Variants in NRDE2 observed in about 807,000 individuals in gnomAD.
NRDE2 encodes the protein nuclear exosome regulator NRDE2.
In NRDE2, 76 loss-of-function variants were observed where a neutral mutation model predicts 124.2. The observed-to-expected ratio is 0.61, with a 90% CI of 0.51 to 0.74. The LOEUF (loss-of-function observed/expected upper bound fraction) is 0.74, where lower values mean the gene tolerates loss of function less well. Ranked by LOEUF, NRDE2 falls within the 30% of genes least tolerant of loss-of-function variation. The pLI is 0.00. For synonymous variants in NRDE2, 489 were observed against 528.1 expected (o/e 0.93, Z 1.01); for missense variants, 1,314 against 1,417.3 (o/e 0.93, Z 1.17).
chr14:90,270,579 G>A lies in NRDE2; in HGVS notation c.*7757C>T. On this transcript the variant is annotated 3_prime_UTR_variant, in exon 14 of 14. Coordinates refer to ENST00000354366, the MANE Select transcript of NRDE2 (RefSeq NM_017970.4). ...GACGCTAAATCACCTGGAGCCACAA[G>A]GCTGAGTCGCTGGTACTAAGCCTTA... is the stretch of plus-strand genomic sequence containing the variant. 4.3e-6 allele frequency: 2 copies of A among 465,382 alleles called. No homozygotes were observed. The highest frequency in any genetic ancestry group is 7.3e-6 in the Non-Finnish European group (2 of 274,116). 28.8% of individuals were successfully genotyped at this position (465,382 alleles called of 1,614,324 possible). A position where few individuals can be genotyped will look rare whatever the true frequency, so the allele number is the denominator to read the frequency against.
At chr14:90,320,180 A>G (rs1172336363) in intron 1 of NRDE2, among the ~76,000 whole-genome samples, 1 of 152,224 alleles carries the variant, frequency 6.6e-6, no homozygotes, top group Admixed American at 6.5e-5. Flanking sequence ...CCGTTCTCAC[A>G]CTGCTATAAA....
At chr14:90,301,050 T>G (rs1338264228) in intron 7 of NRDE2, among the ~76,000 whole-genome samples, 189 bp downstream of exon 7, 1 of 151,268 alleles carries the variant, frequency 6.6e-6, no homozygotes, top group African/African-American at 2.4e-5. Context: ...TACAAAACTT[T>G]CCTCAGATCA....
intron 8 of NRDE2, among the ~76,000 whole-genome samples, chr14:90,295,283 A>T (rs1332154555): frequency 3.3e-5 from 5 of 152,206 alleles, no homozygotes; most frequent in African/African-American, 1.2e-4. Flanking sequence ...TAAAAACTTA[A>T]AACACATAAT....
intron 8 of NRDE2, among the ~76,000 whole-genome samples, chr14:90,294,332 T>A (rs1239251722): frequency 2.0e-5 from 3 of 151,670 alleles, no homozygotes; most frequent in African/African-American, 7.3e-5. Flanking sequence ...AGGATTACCA[T>A]ATGAGGCGAT....
chr14:90,283,577 C>G (rs1469029470), intron 12 of NRDE2, among the ~76,000 whole-genome samples: 2 of 152,210 alleles, frequency 1.3e-5, no homozygotes, highest in African/African-American at 4.8e-5. Flanking sequence ...TCTGCTGCCT[C>G]AAACTGTTGT....
chr14:90,309,100 A>C (rs933246978), intron 4 of NRDE2, among the ~76,000 whole-genome samples: 1 of 151,914 alleles, frequency 6.6e-6, no homozygotes, highest in African/African-American at 2.4e-5. Context: ...AATACAAAAA[A>C]ACTAGCCGGG....
In NRDE2 at chr14:90,328,204, G is replaced by A. The variant is rs145218514; in HGVS notation, c.64+3637C>T. 8.0e-3 allele frequency among the ~76,000 whole-genome samples: 1,204 copies of A among 151,184 alleles called. 27 individuals carry two copies. The highest frequency in any genetic ancestry group is 0.043 in the East Asian group (222 of 5,128). ...TGCCTGTAGTCCCAGTTACTAGGGA[G>A]GCTGAGGCAGGAGAATCACTTGAAC... On this transcript the variant is annotated intron_variant, in intron 1 of 13. Coordinates refer to ENST00000354366, the MANE Select transcript of NRDE2 (RefSeq NM_017970.4).
chr14:90,286,403 T>C lies in NRDE2; in HGVS notation c.3248A>G (p.Asp1083Gly), dbSNP rs1238656018. 1 of 1,614,208 alleles carries C rather than the reference T, an allele frequency of 6.2e-7. No individual in the cohort carries two copies. The highest frequency in any genetic ancestry group is 8.5e-7 in the Non-Finnish European group (1 of 1,180,010). The part of the protein sequence containing the change: ...QALFENAMRS[D>G]SGSQCPLLWR... Reference sequence around the variant, plus strand: ...CAGCAAGGGGCACTGGCTGCCACTGTCGCTGCGCATGGCATTTTCAAACAG... The same window carrying C: ...CAGCAAGGGGCACTGGCTGCCACTGCCGCTGCGCATGGCATTTTCAAACAG... The change falls in exon 12 of 14, where the codon GAC (aspartate) becomes GGC (glycine). Residue 1083 changes from aspartate (D) to glycine (G), a missense_variant. Coordinates refer to ENST00000354366, the MANE Select transcript of NRDE2 (RefSeq NM_017970.4).
In NRDE2 at chr14:90,302,876, G is replaced by C. The variant is rs1479025264; in HGVS notation, c.1255C>G (p.Gln419Glu). 6.2e-7 allele frequency: 1 copy of C among 1,613,968 alleles called. No individual in the cohort carries two copies. The highest frequency in any genetic ancestry group is 8.5e-7 in the Non-Finnish European group (1 of 1,180,038). ...CTCTGGCAAAATAAAAGGTATTTCT[G>C]CCAAAGGGCTGTATTATTGGGATGC... is the stretch of plus-strand genomic sequence containing the variant. ...FLHPNNTALW[Q>E]KYLLFCQSQF... The change falls in exon 6 of 14, where the codon CAG (glutamine) becomes GAG (glutamate). Residue 419 changes from glutamine to glutamate, a missense_variant. By Grantham distance (29) the Gln-to-Glu change is conservative. Transcript: ENST00000354366.
intron 2 of NRDE2, 62 bp from the exon 3 acceptor site, chr14:90,316,873 G>T: frequency 9.3e-7 from 1 of 1,072,158 alleles, no homozygotes; most frequent in Non-Finnish European, 1.4e-6. Flanking sequence ...ATAATACTAT[G>T]TAAATAAGTC....
At chr14:90,296,630 G>A (rs984706902) in intron 8 of NRDE2, among the ~76,000 whole-genome samples, 1 of 152,228 alleles carries the variant, frequency 6.6e-6, no homozygotes, top group Non-Finnish European at 1.5e-5. Flanking sequence ...TCACACCTGT[G>A]AGAAGAGGCT....
At chr14:90,315,999 T>C (rs781705135) in intron 3 of NRDE2, among the ~76,000 whole-genome samples, 1 of 112,992 alleles carries the variant, frequency 8.9e-6, no homozygotes, top group Non-Finnish European at 1.9e-5. Context: ...CAGAGTAAAA[T>C]ATGGGAGAAA....
In NRDE2 at chr14:90,301,248, G is replaced by C; in HGVS notation, c.1536C>G (p.Thr512=). The part of the protein sequence containing the change: ...FKPDSVKDLP[T]KGQVEFFEPF... ...GAGCAGAGCTGGGTACCTGTCCTTT[G>C]GTAGGCAGATCTTTCACGCTGTCGG... Residue 512 remains threonine (T), a synonymous_variant, in exon 7 of 14, where the codon ACC becomes ACG. Transcript: ENST00000354366. 6.2e-7 allele frequency: 1 copy of C among 1,613,548 alleles called. No individual in the cohort carries two copies. The highest frequency in any genetic ancestry group is 1.7e-4 in the Middle Eastern group (1 of 6,054).
intron 3 of NRDE2, among the ~76,000 whole-genome samples, chr14:90,313,909 G>A (rs1421428302): frequency 6.6e-6 from 1 of 152,184 alleles, no homozygotes; most frequent in East Asian, 1.9e-4. Flanking sequence ...TTTCCCAACT[G>A]CAGAGGGCTT....
At chr14:90,294,990 G>A (rs1468261164) in intron 8 of NRDE2, among the ~76,000 whole-genome samples, 1 of 152,136 alleles carries the variant, frequency 6.6e-6, no homozygotes, top group Non-Finnish European at 1.5e-5. Flanking sequence ...CTGTGAGGGA[G>A]CCCTGCAGTG....
At chr14:90,286,300 T>C (rs1403274631) in intron 12 of NRDE2, 54 bp downstream of exon 12, 13 of 1,556,496 alleles carry the variant, frequency 8.4e-6, no homozygotes, top group Non-Finnish European at 1.1e-5. Context: ...TTCTCATTTA[T>C]GAAGGAAGAG....
intron 12 of NRDE2, among the ~76,000 whole-genome samples, chr14:90,286,126 A>G (rs910654915): frequency 2.6e-5 from 4 of 152,174 alleles, no homozygotes; most frequent in African/African-American, 9.7e-5. Flanking sequence ...GTTCTACCAA[A>G]TATTTCGAGA....
rs45463097 is a variant in NRDE2, at chr14:90,277,844, G to A, written c.*492C>T. The stretch of plus-strand genomic sequence containing the variant: ...GGAACTTGCCACACACTGCGTGCAG[G>A]CCAGAACACCAAGCGTTAACTGCGG... On this transcript the variant is annotated 3_prime_UTR_variant, in exon 14 of 14. Coordinates refer to ENST00000354366, the MANE Select transcript of NRDE2 (RefSeq NM_017970.4). The A allele has an allele frequency of 0.25, 38,623 of 155,656 alleles. 5,518 individuals carry two copies. Among genetic ancestry groups the A allele is most frequent in the Middle Eastern group, 0.41 (120 of 292 alleles). The allele number at this position is 155,656 out of a possible 1,614,324, so 9.6% of individuals were successfully genotyped here.
At position 90,304,303 on chromosome 14, in the gene NRDE2, T is replaced by A; in HGVS notation, c.637A>T (p.Lys213Ter). Residue 213 changes from lysine to a stop codon, truncating the protein, a stop_gained, in exon 5 of 14, where the codon AAG becomes TAG. Transcript: ENST00000354366. LOFTEE classifies it high-confidence loss of function. ...TCAACCTGCTTGCGTGAATGCTTCTTCTCTGTGGAAGTCCCTTCCCAAGAT... is the reference window on the plus strand; with the variant it reads ...TCAACCTGCTTGCGTGAATGCTTCTACTCTGTGGAAGTCCCTTCCCAAGAT... The part of the protein sequence containing the change: ...CISWEGTSTE[K>*]KHSRKQVERY... 1 of 1,614,204 alleles carries A rather than the reference T, an allele frequency of 6.2e-7. No individual in the cohort carries two copies. Among genetic ancestry groups the A allele is most frequent in the Non-Finnish European group, 8.5e-7 (1 of 1,180,034 alleles).
Sources: allele counts gnomAD v4.1 joint callset (sites outside exome capture counted in the v4.1 genomes callset), GRCh38; gene constraint gnomAD v4.1.1; transcripts MANE v1.5; gene names NCBI Gene and HGNC (gene_info 2026-07-23, HGNC 2026-07-21).